The following MTRR variants were observed in gnomAD, a reference collection of about 807,000 sequenced individuals.
MTRR encodes methionine synthase reductase.
Under a neutral mutation model 79.2 loss-of-function variants are expected in MTRR, and 63 were observed. That is an observed-to-expected ratio of 0.80 (90% confidence interval 0.65 to 0.98). The LOEUF (loss-of-function observed/expected upper bound fraction) is 0.98. MTRR is among the 50% of genes least tolerant of loss of function. MTRR has a pLI of 0.00. For synonymous variants in MTRR, 355 were observed against 313.3 expected (o/e 1.13, Z -1.41); for missense variants, 895 against 839.6 (o/e 1.07, Z -0.82).
chr5:7,877,803 T>C (rs1240962509), intron 4 of MTRR, 141 bp from the exon 5 acceptor site: 12 of 1,118,820 alleles, frequency 1.1e-5, no homozygotes, highest in African/African-American at 1.5e-5. Context: ...TCATGAAGTA[T>C]TTTTTGTATT....
chr5:7,878,627 C>T (rs1734982269), intron 5 of MTRR, among the ~76,000 whole-genome samples: 2 of 152,246 alleles, frequency 1.3e-5, no homozygotes, highest in South Asian at 4.1e-4. Flanking sequence ...TACAAAAGGT[C>T]TTGTATTATT....
intron 13 of MTRR, 43 bp downstream of exon 13, chr5:7,896,999 A>G: frequency 6.2e-7 from 1 of 1,611,926 alleles, no homozygotes; most frequent in Non-Finnish European, 8.5e-7. Flanking sequence ...CTGAGTGTAC[A>G]ATTCTAATTC....
At position 7,883,266 on chromosome 5, in the gene MTRR, T is replaced by C. The variant is rs758638445; in HGVS notation, c.892T>C (p.Leu298=). Residue 298 remains leucine, a synonymous_variant, in exon 6 of 15, where the codon TTG becomes CTG. Coordinates refer to ENST00000440940, the MANE Select transcript of MTRR (RefSeq NM_002454.3). The part of the protein sequence containing the change: ...DAIKTTLLVE[L]DISNTDFSYQ... ...CATAAAAACCACTCTGCTGGTAGAATTGGACATTTCAGTAAGTTGCAAAAT... is the reference window on the plus strand; with the variant it reads ...CATAAAAACCACTCTGCTGGTAGAACTGGACATTTCAGTAAGTTGCAAAAT... 6.2e-7 allele frequency: 1 copy of C among 1,614,218 alleles called. No homozygotes were observed. Among genetic ancestry groups the C allele is most frequent in the Non-Finnish European group, 8.5e-7 (1 of 1,180,032 alleles).
At chr5:7,876,121 G>T (rs1734514760) in intron 4 of MTRR, among the ~76,000 whole-genome samples, 2 of 152,148 alleles carry the variant, frequency 1.3e-5, no homozygotes, top group African/African-American at 4.8e-5. Context: ...ATCTGTTTAT[G>T]AGAAAATTAC....
chr5:7,868,905 C>A (rs1747297577), upstream of MTRR: 1 of 605,860 alleles, frequency 1.7e-6, no homozygotes, highest in East Asian at 2.9e-5. Context: ...GGCGGCGCAG[C>A]CTGAGGAGAA....
intron 1 of MTRR, among the ~76,000 whole-genome samples, chr5:7,855,645 G>A (rs1039718450): frequency 6.6e-6 from 1 of 152,118 alleles, no homozygotes; most frequent in African/African-American, 2.4e-5. Flanking sequence ...ATGAGCCACT[G>A]AGCCAGCTTT....
chr5:7,890,227 A>C (rs1484784963), intron 9 of MTRR: 7 of 983,974 alleles, frequency 7.1e-6, no homozygotes, highest in Non-Finnish European at 8.4e-6. Context: ...CCTTCTTTGC[A>C]AGTCAGGGCC....
intron 10 of MTRR, among the ~76,000 whole-genome samples, 171 bp from the exon 11 acceptor site, chr5:7,892,556 A>C (rs752106808): frequency 6.6e-6 from 1 of 152,166 alleles, no homozygotes; most frequent in Non-Finnish European, 1.5e-5. Context: ...TGAGAGTGTG[A>C]AGGTTGGGGG....
In MTRR at chr5:7,883,296, T is replaced by A. The variant is rs930028739; in HGVS notation, c.903+19T>A. ...CATTTCAGTAAGTTGCAAAATTTATTTCTCAGCACAGTAATATTGTCAGGA... is the reference window on the plus strand; with the variant it reads ...CATTTCAGTAAGTTGCAAAATTTATATCTCAGCACAGTAATATTGTCAGGA... On this transcript the variant is annotated intron_variant, in intron 6 of 14. Transcript: ENST00000440940. 15 of 1,613,980 alleles carry A rather than the reference T, an allele frequency of 9.3e-6. No homozygotes were observed. Among genetic ancestry groups the A allele is most frequent in the African/African-American group, 1.3e-5 (1 of 74,948 alleles).
chr5:7,866,313 CA>C (rs35385669), upstream of MTRR, among the ~76,000 whole-genome samples: 12,905 of 140,318 alleles, frequency 0.092, 903 homozygotes, highest in East Asian at 0.22. Context: ...ACCATCCTCT[CA>C]AAAAAAAAAA....
At position 7,895,844 on chromosome 5, in the gene MTRR, ACAACATAG is replaced by A; in HGVS notation, c.1669_1676del (p.Gln557ArgfsTer24). 6.2e-7 allele frequency: 1 copy of A among 1,614,156 alleles called. No individual in the cohort carries two copies. Among genetic ancestry groups the A allele is most frequent in the African/African-American group, 1.3e-5 (1 of 75,066 alleles). On this transcript the variant is annotated frameshift_variant and splice_region_variant, in exon 12 of 15. Coordinates refer to ENST00000440940, the MANE Select transcript of MTRR (RefSeq NM_002454.3). LOFTEE classifies it high-confidence loss of function. ...GCATAGCCCCGTTTATTGGGTTCCTACAACATAGGTATGTTCTTTTTTTGGCTAATGGG... is the reference window on the plus strand; with the variant it reads ...GCATAGCCCCGTTTATTGGGTTCCTAGTATGTTCTTTTTTTGGCTAATGGG...
intron 6 of MTRR, among the ~76,000 whole-genome samples, chr5:7,883,972 G>C (rs1736004128): frequency 6.6e-6 from 1 of 152,162 alleles, no homozygotes; most frequent in African/African-American, 2.4e-5. Flanking sequence ...AGGAGTTCCT[G>C]GGTAACATGG....
chr5:7,869,228 T>A lies in MTRR; in HGVS notation c.-26+13T>A. The A allele has an allele frequency of 6.2e-7, 1 of 1,603,970 alleles. No individual in the cohort carries two copies. Among genetic ancestry groups the A allele is most frequent in the Non-Finnish European group, 8.5e-7 (1 of 1,179,664 alleles). On this transcript the variant is annotated intron_variant, in intron 1 of 14. Transcript: ENST00000440940. ...TGGCGCGGCGTGGGTAAGCTGCCTG[T>A]CGGCTACGGTTCCCGGATTCCGGCC...
chr5:7,876,978 A>G (rs1326245152), intron 4 of MTRR, among the ~76,000 whole-genome samples: 1 of 152,230 alleles, frequency 6.6e-6, no homozygotes, highest in African/African-American at 2.4e-5. Flanking sequence ...ACTTGTTTTC[A>G]CAAAGGCTCC....
chr5:7,866,793 T>C (rs147051108), upstream of MTRR: 12 of 1,614,082 alleles, frequency 7.4e-6, no homozygotes, highest in Non-Finnish European at 1.0e-5. Flanking sequence ...TTTTCCAGCT[T>C]TCTAAATAAA....
chr5:7,873,281 A>C, intron 2 of MTRR, 92 bp from the exon 3 acceptor site: 1 of 1,519,760 alleles, frequency 6.6e-7, no homozygotes. Flanking sequence ...ATTGAAATAC[A>C]AGACAGGAAA....
chr5:7,875,888 C>CT (rs1490808695), intron 4 of MTRR, among the ~76,000 whole-genome samples: 2 of 152,236 alleles, frequency 1.3e-5, no homozygotes, highest in Non-Finnish European at 2.9e-5. Flanking sequence ...CAGACGCATA[C>CT]TTTATCTTTT....
upstream of MTRR, chr5:7,866,046 A>T (rs1051684899): frequency 1.3e-5 from 16 of 1,219,486 alleles, no homozygotes; most frequent in Non-Finnish European, 1.8e-5. Context: ...AGAGAACATC[A>T]TGAACATTCA....
chr5:7,863,824 G>C lies in MTRR; in HGVS notation n.498+1767G>C, dbSNP rs192635769. 1.6e-3 allele frequency among the ~76,000 whole-genome samples: 240 copies of C among 152,132 alleles called. 2 individuals are homozygous for C. The highest frequency in any genetic ancestry group is 5.7e-3 in the African/African-American group (236 of 41,536). ...ATTGCGTGCTTGAAAATGGCTGAGA[G>C]TACTTTTTTACCTTTTTTTTTGTTT... On this transcript the variant is annotated intron_variant and non_coding_transcript_variant, in intron 2 of 3. Transcript: ENST00000502509.
Sources: allele counts gnomAD v4.1 joint callset (sites outside exome capture counted in the v4.1 genomes callset), GRCh38; gene constraint gnomAD v4.1.1; transcripts MANE v1.5; gene names NCBI Gene and HGNC (gene_info 2026-07-23, HGNC 2026-07-21).